Variants in IDO2 observed in about 807,000 individuals in gnomAD.
IDO2 encodes the protein indoleamine 2,3-dioxygenase 2.
A neutral mutation model predicts 45.1 loss-of-function variants in IDO2; 46 were observed. The observed-to-expected ratio is 1.02, with a 90% CI of 0.80 to 1.30. IDO2 has a LOEUF of 1.30. Ranked by LOEUF, IDO2 falls within the 50% of genes most tolerant of loss-of-function variation. IDO2 has a pLI of 0.00. For missense variants in IDO2, 544 were observed against 491.8 expected, an observed-to-expected ratio of 1.11 and a Z score of -1.00; for synonymous variants, 218 against 184.9, an observed-to-expected ratio of 1.18 and a Z score of -1.45.
chr8:40,011,313 G>A (rs766869396), intron 9 of IDO2, among the ~76,000 whole-genome samples: 1 of 152,172 alleles, frequency 6.6e-6, no homozygotes, highest in Non-Finnish European at 1.5e-5. Context: ...GCAACATTTA[G>A]CAGTACTCAA....
chr8:39,996,300 G>A (rs1411908836), intron 8 of IDO2, among the ~76,000 whole-genome samples: 1 of 152,218 alleles, frequency 6.6e-6, no homozygotes, highest in East Asian at 1.9e-4. Context: ...CCGCCTTTTA[G>A]ATAGCAGTAG....
chr8:40,013,121 G>A (rs1173314794), intron 9 of IDO2, among the ~76,000 whole-genome samples: 1 of 152,056 alleles, frequency 6.6e-6, no homozygotes, highest in Non-Finnish European at 1.5e-5. Context: ...AATTGTGGGT[G>A]TTTGTGTATA....
chr8:40,010,758 C>T (rs1802299038), intron 9 of IDO2, among the ~76,000 whole-genome samples: 1 of 152,072 alleles, frequency 6.6e-6, no homozygotes, highest in Admixed American at 6.6e-5. Context: ...ATAGGAGGAA[C>T]AGGTTTAGCA....
exon 11 of IDO2, chr8:40,016,213 C>T (rs184282970): frequency 1.8e-5 from 7 of 398,006 alleles, no homozygotes; most frequent in Non-Finnish European, 3.1e-5. Flanking sequence ...CACGTGGTAC[C>T]TAGATTTGCA....
chr8:39,969,870 CT>C (rs1489363168), intron 3 of IDO2, among the ~76,000 whole-genome samples: 6 of 49,826 alleles, frequency 1.2e-4, no homozygotes, highest in Non-Finnish European at 3.8e-5. Context: ...AGTAAAACTC[CT>C]TCTCAAAAAA....
At chr8:39,986,710 A>ATAGC (rs973693552) in intron 6 of IDO2, among the ~76,000 whole-genome samples, 2 of 151,358 alleles carry the variant, frequency 1.3e-5, no homozygotes, top group African/African-American at 4.9e-5. Flanking sequence ...AGATAGATAG[A>ATAGC]TAGATAGACG....
intron 8 of IDO2, 29 bp downstream of exon 8, chr8:39,989,867 T>TC (rs779109386): frequency 2.7e-6 from 4 of 1,469,294 alleles, no homozygotes; most frequent in Admixed American, 2.0e-5. Context: ...TCCTGAAGGA[T>TC]CCCCCAGGGG....
At chr8:39,954,332 C>T (rs1390375965) in intron 2 of IDO2, among the ~76,000 whole-genome samples, 1 of 152,194 alleles carries the variant, frequency 6.6e-6, no homozygotes, top group East Asian at 1.9e-4. Flanking sequence ...GCCTCTGTGC[C>T]TTTGCTGGTG....
intron 8 of IDO2, among the ~76,000 whole-genome samples, chr8:39,996,116 C>G (rs1047761765): frequency 6.6e-6 from 1 of 151,114 alleles, no homozygotes; most frequent in African/African-American, 2.4e-5. Flanking sequence ...GTTACTTAGC[C>G]GACCGGGAAA....
At chr8:39,984,251 G>C (rs1808392541) in intron 5 of IDO2, among the ~76,000 whole-genome samples, 1 of 152,204 alleles carries the variant, frequency 6.6e-6, no homozygotes, top group Admixed American at 6.5e-5. Context: ...CAGGTGGGCA[G>C]GTCACCTGAG....
intron 8 of IDO2, among the ~76,000 whole-genome samples, chr8:39,999,276 CTTT>C (rs35720120): frequency 1.5e-3 from 116 of 78,408 alleles, no homozygotes; most frequent in Admixed American, 3.0e-3. Context: ...TCTGCTGCTG[CTTT>C]TTTTTTTTTT....
chr8:40,011,564 T>C (rs6415701), intron 9 of IDO2, among the ~76,000 whole-genome samples: 28,803 of 152,100 alleles, frequency 0.19, 2,929 homozygotes, highest in East Asian at 0.4. Context: ...CAAATACAAA[T>C]TGGAAATCTA....
chr8:39,995,251 C>CTTCTTCTTCTTCTTCTTCTTCTTCTTCTT (rs1554548609), intron 8 of IDO2: 1 of 78,030 alleles, frequency 1.3e-5, no homozygotes, highest in African/African-American at 5.1e-5. Flanking sequence ...TTCTCCTTCT[C>CTTCTTCTTCTTCTTCTTCTTCTTCTTCTT]CTTCTTCTTC....
At chr8:39,969,946 T>C (rs1293930313) in intron 3 of IDO2, among the ~76,000 whole-genome samples, 3 of 151,510 alleles carry the variant, frequency 2.0e-5, no homozygotes, top group Non-Finnish European at 4.4e-5. Context: ...CAAAACCAGA[T>C]AGGCTTAAAG....
intron 2 of IDO2, among the ~76,000 whole-genome samples, chr8:39,952,130 A>G (rs560252603): frequency 6.6e-6 from 1 of 152,314 alleles, no homozygotes; most frequent in Admixed American, 6.5e-5. Flanking sequence ...AAGAGGTAGC[A>G]GACGGACATT....
chr8:40,006,379 C>T (rs1802221095), intron 9 of IDO2, among the ~76,000 whole-genome samples: 1 of 152,162 alleles, frequency 6.6e-6, no homozygotes, highest in East Asian at 1.9e-4. Flanking sequence ...TTAAGGGCAG[C>T]TAGGCTAAGC....
At chr8:39,989,970 C>G (rs1585413349) in intron 8 of IDO2, 132 bp downstream of exon 8, 1 of 595,280 alleles carries the variant, frequency 1.7e-6, no homozygotes, top group East Asian at 2.8e-5. Flanking sequence ...CGCTGGTGGA[C>G]TATCTTTGTT....
At chr8:39,983,737 A>T (rs1269725574) in intron 5 of IDO2, among the ~76,000 whole-genome samples, 2 of 152,078 alleles carry the variant, frequency 1.3e-5, no homozygotes, top group African/African-American at 2.4e-5. Context: ...ATGGTGGCAC[A>T]TACCTGTAAT....
At chr8:39,974,948 A>G (rs1808236395) in intron 3 of IDO2, among the ~76,000 whole-genome samples, 1 of 151,524 alleles carries the variant, frequency 6.6e-6, no homozygotes, top group South Asian at 2.1e-4. Context: ...AAAACAAAAC[A>G]AAAGCACAAA....
Sources: allele counts gnomAD v4.1 joint callset (sites outside exome capture counted in the v4.1 genomes callset), GRCh38; gene constraint gnomAD v4.1.1; transcripts MANE v1.5; gene names NCBI Gene and HGNC (gene_info 2026-07-23, HGNC 2026-07-21).